Variants in PARP10 observed in about 807,000 individuals in gnomAD.
PARP10 encodes the protein protein mono-ADP-ribosyltransferase PARP10.
In PARP10, 56 loss-of-function variants were observed where a neutral mutation model predicts 82.4. That is an observed-to-expected ratio of 0.68 (90% CI 0.55 to 0.85). The LOEUF is 0.85. PARP10 is among the 40% of genes least tolerant of loss of function. The probability of loss-of-function intolerance (pLI) is 0.00; values close to 1 mark genes in which losing one functional copy is unlikely to be tolerated. For missense variants in PARP10, 1,227 were observed against 1,379.4 expected (o/e 0.89, Z 1.75); for synonymous variants, 576 against 601.1 (o/e 0.96, Z 0.61).
rs568280561 is a variant in PARP10, at chr8:144,005,869, G to A, written c.-80+6661C>T. Among the ~76,000 whole-genome samples, 148 of 151,958 alleles carry A rather than the reference G, an allele frequency of 9.7e-4. 1 individual carries two copies. The highest frequency in any genetic ancestry group is 2.4e-3 in the Admixed American group (37 of 15,272). On this transcript the variant is annotated intron_variant, in intron 1 of 3. Coordinates refer to the PARP10 transcript ENST00000530478. The stretch of plus-strand genomic sequence containing the variant: ...GACAGCCCCCTCCGCTCTTGCCCCC[G>A]TCCCCTCCTCCACCTTCCGCACGGA...
In PARP10 at chr8:143,984,532, G is replaced by T. The variant is rs781908161; in HGVS notation, c.1458+12C>A. Reference sequence around the variant, plus strand: ...GGGGGCTGAAGGTGAGGAGTCCTGAGGGGTCACTCACCCGAAAGCCAGTCA... The same window carrying T: ...GGGGGCTGAAGGTGAGGAGTCCTGATGGGTCACTCACCCGAAAGCCAGTCA... On this transcript the variant is annotated intron_variant, in intron 5 of 10. Transcript: ENST00000313028. 5.6e-6 allele frequency: 9 copies of T among 1,603,596 alleles called. No individual in the cohort carries two copies. In the African/African-American group the frequency reaches 1.2e-4, roughly 21 times the overall value.
intron 1 of PARP10, among the ~76,000 whole-genome samples, chr8:143,996,965 C>A (rs1587472544): frequency 1.3e-5 from 2 of 152,070 alleles, no homozygotes; most frequent in Non-Finnish European, 2.9e-5. Context: ...GGCAGGGAGA[C>A]CCAGACTTGG....
In PARP10 at chr8:144,008,026, C is replaced by T. The variant is rs1834246721; in HGVS notation, c.-80+4504G>A. On this transcript the variant is annotated intron_variant, in intron 1 of 3. Transcript: ENST00000530478. The surrounding 1 kb of genome is among the most constrained non-coding windows in gnomAD (Gnocchi z 4.0). ...GAGTCACTGCCGACGTCCCGGAGGGCCCTGGAAGTCAAATGCCAACTGAAT... is the reference window on the plus strand; with the variant it reads ...GAGTCACTGCCGACGTCCCGGAGGGTCCTGGAAGTCAAATGCCAACTGAAT... Among the ~76,000 whole-genome samples the T allele has an allele frequency of 6.6e-6, 1 of 152,194 alleles. No homozygotes were observed. The highest frequency in any genetic ancestry group is 1.5e-5 in the Non-Finnish European group (1 of 68,036).
At chr8:143,981,312 G>T (rs1024486071) in intron 9 of PARP10, among the ~76,000 whole-genome samples, 1 of 148,744 alleles carries the variant, frequency 6.7e-6, no homozygotes, top group Non-Finnish European at 1.5e-5. Flanking sequence ...GGTAGTGGTG[G>T]TGGTGATGGT....
At chr8:143,986,517 G>A, upstream of PARP10, 2 of 1,117,594 alleles carry the variant, frequency 1.8e-6, no homozygotes, top group South Asian at 2.7e-5. Flanking sequence ...CTGAGGCCTG[G>A]GTACTGGGGC....
At chr8:143,997,160 A>G (rs1436370673) in intron 1 of PARP10, among the ~76,000 whole-genome samples, 1 of 152,234 alleles carries the variant, frequency 6.6e-6, no homozygotes, top group Non-Finnish European at 1.5e-5. Context: ...TAAGGCTTGT[A>G]GGACACACTG....
At chr8:143,984,130 C>G in intron 6 of PARP10, 26 bp from the exon 7 acceptor site, 1 of 1,563,716 alleles carries the variant, frequency 6.4e-7, no homozygotes, top group Non-Finnish European at 8.7e-7. Context: ...GTCAGGACCA[C>G]TAGCCTCTGG....
intron 9 of PARP10, 52 bp downstream of exon 9, chr8:143,982,880 G>A (rs374290612): frequency 6.3e-6 from 10 of 1,599,746 alleles, no homozygotes; most frequent in South Asian, 1.1e-5. Flanking sequence ...AGGCGCTAAT[G>A]GTGCAAGAGC....
At chr8:143,989,990 A>C (rs1231158127), upstream of PARP10, 4 of 151,884 alleles carry the variant, frequency 2.6e-5, no homozygotes, top group East Asian at 7.8e-4. This position sits in a 1 kb window ranked among gnomAD's most constrained non-coding sequence, Gnocchi z 4.3. Flanking sequence ...GGGTCCGCGG[A>C]AGCCCCGCCC....
At chr8:143,981,073 C>T (rs1288245961) in intron 9 of PARP10, among the ~76,000 whole-genome samples, 2 of 151,486 alleles carry the variant, frequency 1.3e-5, no homozygotes, top group Non-Finnish European at 2.9e-5. Flanking sequence ...TCAAGCATAC[C>T]ATTTAAAGTC....
At chr8:143,991,873 C>T (rs1301548001), upstream of PARP10, 18 of 1,610,414 alleles carry the variant, frequency 1.1e-5, no homozygotes, top group Admixed American at 3.3e-5. Flanking sequence ...CGGCTCCTTC[C>T]CCAGGTGTTC....
chr8:144,007,402 A>G (rs1834243149), intron 1 of PARP10, among the ~76,000 whole-genome samples: 2 of 152,216 alleles, frequency 1.3e-5, no homozygotes. Flanking sequence ...AACCAGGGGC[A>G]TGTCCTCAGA....
In PARP10 at chr8:143,985,212, G is replaced by A. The variant is rs1833957633; in HGVS notation, c.790C>T (p.His264Tyr). 5 of 1,613,998 alleles carry A rather than the reference G, an allele frequency of 3.1e-6. No individual in the cohort carries two copies. Among genetic ancestry groups the A allele is most frequent in the Non-Finnish European group, 4.2e-6 (5 of 1,180,038 alleles). ...GCCCTAGGCCCCTGGGTGGACGGGTGGTCCCCTCCACTGGTGTTCTCAGCC... is the reference window on the plus strand; with the variant it reads ...GCCCTAGGCCCCTGGGTGGACGGGTAGTCCCCTCCACTGGTGTTCTCAGCC... ...ELAENTSGGD[H>Y]PSTQGPRATK... The change falls in exon 5 of 11, where the codon CAC (histidine) becomes TAC (tyrosine). Residue 264 changes from histidine (H) to tyrosine (Y), a missense_variant. Coordinates refer to ENST00000313028, the MANE Select transcript of PARP10 (RefSeq NM_032789.5).
chr8:143,983,359 G>C lies in PARP10; in HGVS notation c.2230C>G (p.Arg744Gly). The change falls in exon 8 of 11, where the codon CGC becomes GGC. Residue 744 changes from arginine to glycine, a missense_variant. Coordinates refer to ENST00000313028, the MANE Select transcript of PARP10 (RefSeq NM_032789.5). ...GCACGCAGCTCTGCAGGCAGTGTGC[G>C]GCGCCAGGGCCCCACCGTCTCCTCC... is the stretch of plus-strand genomic sequence containing the variant. The part of the protein sequence containing the change: ...VQEETVGPWR[R>G]TLPAELRARL... The C allele has an allele frequency of 6.2e-7, 1 of 1,606,970 alleles. No homozygotes were observed. The highest frequency in any genetic ancestry group is 1.1e-5 in the South Asian group (1 of 90,546).
At chr8:143,992,757 T>C, upstream of PARP10, 1 of 1,613,960 alleles carries the variant, frequency 6.2e-7, no homozygotes, top group Non-Finnish European at 8.5e-7. Flanking sequence ...CAGAAGAGTA[T>C]GTGTTTGCTG....
At chr8:143,990,135 T>A (rs1369679093), upstream of PARP10, 2 of 150,518 alleles carry the variant, frequency 1.3e-5, no homozygotes, top group Non-Finnish European at 3.0e-5. This position sits in a 1 kb window ranked among gnomAD's most constrained non-coding sequence, Gnocchi z 5.6. Flanking sequence ...TGCGGGCGCA[T>A]CGGCCATCAC....
intron 1 of PARP10, among the ~76,000 whole-genome samples, chr8:144,006,781 C>T (rs782439108): frequency 6.6e-5 from 10 of 152,196 alleles, no homozygotes; most frequent in Admixed American, 3.3e-4. Flanking sequence ...CAGACATCTG[C>T]GCACCAGGAA....
At chr8:143,979,213 T>A (rs952460549) in intron 9 of PARP10, among the ~76,000 whole-genome samples, 8 of 152,020 alleles carry the variant, frequency 5.3e-5, no homozygotes, top group Admixed American at 5.2e-4. Flanking sequence ...GACCTCGTGA[T>A]CCGCCCGCCT....
intron 1 of PARP10, among the ~76,000 whole-genome samples, chr8:143,997,217 C>G (rs1834170422): frequency 6.6e-6 from 1 of 152,218 alleles, no homozygotes; most frequent in South Asian, 2.1e-4. Flanking sequence ...CCCAACTTCT[C>G]AACTCCCATC....
Sources: allele counts gnomAD v4.1 joint callset (sites outside exome capture counted in the v4.1 genomes callset), GRCh38; gene constraint gnomAD v4.1.1; non-coding constraint Gnocchi (gnomAD v3.1); transcripts MANE v1.5; gene names NCBI Gene and HGNC (gene_info 2026-07-23, HGNC 2026-07-21).